The following KCNIP1 variants were observed in gnomAD, a reference collection of about 807,000 sequenced individuals.
The protein encoded by KCNIP1 is A-type potassium channel modulatory protein KCNIP1.
Under a neutral mutation model 33.0 loss-of-function variants are expected in KCNIP1, and 18 were observed. The ratio of observed to expected loss-of-function variants is 0.55; its 90% CI spans 0.38 to 0.81. KCNIP1 has a LOEUF of 0.81. Ranked by LOEUF, KCNIP1 falls within the 30% of genes least tolerant of loss-of-function variation. The probability of loss-of-function intolerance (pLI) is 0.00; values close to 1 mark genes in which losing one functional copy is unlikely to be tolerated. For synonymous variants in KCNIP1, 93 were observed against 98.3 expected (o/e 0.95, Z 0.32); for missense variants, 238 against 271.6 (o/e 0.88, Z 0.87).
intron 1 of KCNIP1, among the ~76,000 whole-genome samples, chr5:170,357,105 C>T (rs1763368464): frequency 6.6e-6 from 1 of 151,608 alleles, no homozygotes; most frequent in Non-Finnish European, 1.5e-5. Flanking sequence ...CTGGATTTCT[C>T]CCACATTTAA....
At chr5:170,495,086 T>C (rs1316417770) in intron 1 of KCNIP1, among the ~76,000 whole-genome samples, 1 of 152,216 alleles carries the variant, frequency 6.6e-6, no homozygotes, top group Non-Finnish European at 1.5e-5. Context: ...CAAGTTCCCA[T>C]TCCTCTCAGT....
intron 1 of KCNIP1, among the ~76,000 whole-genome samples, chr5:170,659,136 A>G (rs540338700): frequency 8.6e-5 from 13 of 152,014 alleles, no homozygotes; most frequent in African/African-American, 2.7e-4. Flanking sequence ...CTTGCCTAAT[A>G]TGAGCTAGTC....
intron 1 of KCNIP1, among the ~76,000 whole-genome samples, chr5:170,365,518 G>T (rs1185031475): frequency 1.3e-5 from 2 of 152,174 alleles, no homozygotes; most frequent in African/African-American, 4.8e-5. Flanking sequence ...TGGAGAGAGG[G>T]GAACCTGCCG....
chr5:170,495,299 C>G (rs890110198), intron 1 of KCNIP1, among the ~76,000 whole-genome samples: 1 of 152,178 alleles, frequency 6.6e-6, no homozygotes, highest in African/African-American at 2.4e-5. Context: ...GCTGGGGCCT[C>G]CCAGGCTCTA....
intron 1 of KCNIP1, among the ~76,000 whole-genome samples, chr5:170,588,657 C>G (rs1392583328): frequency 1.3e-5 from 2 of 152,166 alleles, no homozygotes; most frequent in East Asian, 1.9e-4. Flanking sequence ...GCAGCTCCCC[C>G]AGGGAAGAAA....
chr5:170,452,032 C>T (rs939997082), intron 1 of KCNIP1, among the ~76,000 whole-genome samples: 4 of 152,206 alleles, frequency 2.6e-5, no homozygotes, highest in Admixed American at 1.3e-4. Flanking sequence ...GATATCACTC[C>T]AATCCATGGA....
chr5:170,436,684 C>T (rs903660590), intron 1 of KCNIP1, among the ~76,000 whole-genome samples: 2 of 152,164 alleles, frequency 1.3e-5, no homozygotes, highest in African/African-American at 2.4e-5. Context: ...TGTGTGTTCC[C>T]CTGTTTTCTG....
intron 1 of KCNIP1, among the ~76,000 whole-genome samples, chr5:170,628,043 T>A (rs1165318814): frequency 6.6e-6 from 1 of 152,212 alleles, no homozygotes; most frequent in Non-Finnish European, 1.5e-5. Flanking sequence ...CTGCTCCTGC[T>A]TTGCAGAGAA....
chr5:170,543,315 G>T (rs916545779), intron 1 of KCNIP1, among the ~76,000 whole-genome samples: 1 of 152,290 alleles, frequency 6.6e-6, no homozygotes, highest in Non-Finnish European at 1.5e-5. Flanking sequence ...ACCACTTAAA[G>T]AGAAACTTCT....
chr5:170,568,582 G>A (rs1305587767), intron 1 of KCNIP1, among the ~76,000 whole-genome samples: 1 of 145,840 alleles, frequency 6.9e-6, no homozygotes, highest in Non-Finnish European at 1.5e-5. Flanking sequence ...GGAGGCCGAG[G>A]CGGGTGGATC....
intron 1 of KCNIP1, among the ~76,000 whole-genome samples, chr5:170,496,856 T>G (rs1294135427): frequency 6.6e-6 from 1 of 152,092 alleles, no homozygotes; most frequent in Non-Finnish European, 1.5e-5. Context: ...CAAGTCTCAC[T>G]TCCACTCCTT....
chr5:170,559,532 T>C (rs1581324897), intron 1 of KCNIP1, among the ~76,000 whole-genome samples: 2 of 152,134 alleles, frequency 1.3e-5, no homozygotes, highest in Non-Finnish European at 2.9e-5. Flanking sequence ...AAAAATCCCC[T>C]CCTCTGTTAA....
At chr5:170,697,654 G>C (rs965233696) in intron 1 of KCNIP1, among the ~76,000 whole-genome samples, 5 of 152,160 alleles carry the variant, frequency 3.3e-5, no homozygotes, top group African/African-American at 1.2e-4. Context: ...AATGCATTCA[G>C]GGGTCCTAGC....
chr5:170,624,710 A>T, intron 1 of KCNIP1, among the ~76,000 whole-genome samples: 1 of 84,582 alleles, frequency 1.2e-5, no homozygotes, highest in African/African-American at 4.9e-5. Context: ...GGAGGGGAGG[A>T]GAGGAAAGGA....
intron 1 of KCNIP1, among the ~76,000 whole-genome samples, chr5:170,358,699 C>G (rs73325610): frequency 1.3e-5 from 2 of 152,252 alleles, no homozygotes; most frequent in Non-Finnish European, 2.9e-5. Flanking sequence ...CACCCGCCCC[C>G]GCTTACATTT....
chr5:170,453,063 T>C (rs941056699), intron 1 of KCNIP1, among the ~76,000 whole-genome samples: 4 of 152,264 alleles, frequency 2.6e-5, no homozygotes, highest in African/African-American at 9.6e-5. Flanking sequence ...GTTTAAATTA[T>C]ACGTCCGTGC....
intron 1 of KCNIP1, among the ~76,000 whole-genome samples, chr5:170,523,994 C>T (rs867941348): frequency 1.3e-4 from 20 of 152,176 alleles, no homozygotes; most frequent in African/African-American, 4.3e-4. Flanking sequence ...CCTGTTCTCC[C>T]AGCACCACCC....
At chr5:170,413,878 G>A (rs1460405007) in intron 1 of KCNIP1, among the ~76,000 whole-genome samples, 1 of 147,856 alleles carries the variant, frequency 6.8e-6, no homozygotes, top group African/African-American at 2.5e-5. Flanking sequence ...AATCCTGCAT[G>A]TTCCCCTGGT....
At chr5:170,637,829 C>A (rs1760349863) in intron 1 of KCNIP1, among the ~76,000 whole-genome samples, 1 of 152,152 alleles carries the variant, frequency 6.6e-6, no homozygotes, top group South Asian at 2.1e-4. Flanking sequence ...CTGGGGCAGG[C>A]CGACTAGAAG....
Sources: gnomAD v4.1 joint callset for allele counts (sites outside exome capture counted in the v4.1 genomes callset) on GRCh38, gnomAD v4.1.1 for gene constraint, MANE v1.5 for transcripts, NCBI Gene and HGNC (gene_info 2026-07-23, HGNC 2026-07-21) for gene names.